The following MYO7B variants were observed in gnomAD, a reference collection of about 807,000 sequenced individuals.
MYO7B encodes the protein unconventional myosin-VIIb.
A neutral mutation model predicts 259.7 loss-of-function variants in MYO7B; 212 were observed. That is an observed-to-expected ratio of 0.82 (90% CI 0.73 to 0.91). The LOEUF (loss-of-function observed/expected upper bound fraction) is 0.91, where lower values mean the gene tolerates loss of function less well. Ranked by LOEUF, MYO7B falls within the 40% of genes least tolerant of loss-of-function variation. The pLI, the probability that MYO7B is intolerant of heterozygous loss-of-function variation, is 0.00. For synonymous variants in MYO7B, 1,197 were observed against 1,166.4 expected (o/e 1.03, Z -0.54); for missense variants, 2,732 against 2,813.5 (o/e 0.97, Z 0.66).
chr2:127,596,736 C>T (rs1679785076), intron 19 of MYO7B, among the ~76,000 whole-genome samples, 180 bp downstream of exon 19: 1 of 152,178 alleles, frequency 6.6e-6, no homozygotes, highest in Admixed American at 6.5e-5. Flanking sequence ...AATTCAGATA[C>T]ATTATTGGAA....
intron 1 of MYO7B, among the ~76,000 whole-genome samples, chr2:127,552,357 C>G (rs2104823789): frequency 6.6e-6 from 1 of 152,220 alleles, no homozygotes; most frequent in Non-Finnish European, 1.5e-5. Context: ...GGCTGGTAGA[C>G]AGAGGAGACA....
chr2:127,578,089 G>A (rs1573645235), intron 8 of MYO7B, 44 bp from the exon 9 acceptor site: 2 of 1,606,356 alleles, frequency 1.2e-6, no homozygotes, highest in Non-Finnish European at 1.7e-6. Context: ...GGGAGGTGGT[G>A]GGGCAGGGGA....
chr2:127,592,876 C>G lies in MYO7B; in HGVS notation c.2075C>G (p.Pro692Arg), dbSNP rs200327378. Residue 692 changes from proline (P) to arginine (R), a missense_variant, in exon 17 of 48, where the codon CCC becomes CGC. Pro to Arg is a moderately radical substitution (Grantham distance 103). Coordinates refer to ENST00000409816, the MANE Select transcript of MYO7B (RefSeq NM_001393586.1). ...ETVHIRKSGFPIRYTFEEFSQ... is the reference protein window; with the variant it reads ...ETVHIRKSGFRIRYTFEEFSQ... ...GTGCACATCCGCAAGTCGGGCTTCCCCATCCGCTACACGTTCGAGGAGTTC... is the reference window on the plus strand; with the variant it reads ...GTGCACATCCGCAAGTCGGGCTTCCGCATCCGCTACACGTTCGAGGAGTTC... 4.0e-5 allele frequency: 64 copies of G among 1,609,870 alleles called. No homozygotes were observed. Among genetic ancestry groups the G allele is most frequent in the Admixed American group, 1.3e-4 (8 of 59,696 alleles).
rs1385793584 is a variant in MYO7B at position 127,627,808 on chromosome 2, G to C, written c.4460+498G>C. The stretch of plus-strand genomic sequence containing the variant: ...CTGGGAACTTTTCCATGCCCTTTGG[G>C]AAGTCCCACCCAAGCCCTGCCAGAG... On this transcript the variant is annotated intron_variant, in intron 33 of 47. Coordinates refer to ENST00000409816, the MANE Select transcript of MYO7B (RefSeq NM_001393586.1). The surrounding 1 kb of genome is among the most constrained non-coding windows in gnomAD (Gnocchi z 5.6). 10 of 457,730 alleles carry C rather than the reference G, an allele frequency of 2.2e-5. No homozygotes were observed. The highest frequency in any genetic ancestry group is 2.0e-4 in the African/African-American group (10 of 50,082). The allele number at this position is 457,730 out of a possible 1,614,324, so 28.4% of individuals were successfully genotyped here. A position where few individuals can be genotyped will look rare whatever the true frequency, so the allele number is the denominator to read the frequency against.
chr2:127,539,697 C>T lies in MYO7B; in HGVS notation c.-24+3866C>T, dbSNP rs7583571. Reference sequence around the variant, plus strand: ...CTATTTCTTTTAAAAAAAAAAACTCCATAGTTTTTAAGGTACAGGTGTTTT... The same window carrying T: ...CTATTTCTTTTAAAAAAAAAAACTCTATAGTTTTTAAGGTACAGGTGTTTT... On this transcript the variant is annotated intron_variant, in intron 1 of 47. Transcript: ENST00000409816. The surrounding 1 kb of genome is among the most constrained non-coding windows in gnomAD (Gnocchi z 4.0). Among the ~76,000 whole-genome samples the T allele has an allele frequency of 4.6e-4, 70 of 151,944 alleles. No homozygotes were observed. The highest frequency in any genetic ancestry group is 3.4e-3 in the Middle Eastern group (1 of 294).
At chr2:127,552,798 G>A (rs150638475) in intron 1 of MYO7B, among the ~76,000 whole-genome samples, 4 of 152,268 alleles carry the variant, frequency 2.6e-5, no homozygotes, top group African/African-American at 9.6e-5. Context: ...TTTCCCACCT[G>A]CCACCCCCTG....
chr2:127,564,992 C>G (rs1382416882), intron 3 of MYO7B, among the ~76,000 whole-genome samples: 1 of 152,214 alleles, frequency 6.6e-6, no homozygotes, highest in Non-Finnish European at 1.5e-5. Flanking sequence ...GCCCCAGCTA[C>G]GCCCTAACCC....
intron 1 of MYO7B, among the ~76,000 whole-genome samples, chr2:127,550,515 G>A (rs1053285510): frequency 3.3e-5 from 5 of 151,296 alleles, no homozygotes; most frequent in African/African-American, 7.3e-5. Flanking sequence ...CTGGGATCAC[G>A]CAACTGCACT....
At position 127,575,580 on chromosome 2, in the gene MYO7B, CAAAGA is replaced by C. The variant is rs374426163; in HGVS notation, c.736-1004_736-1000del. Among the ~76,000 whole-genome samples, 160 of 148,698 alleles carry C rather than the reference CAAAGA, an allele frequency of 1.1e-3. 1 individual carries two copies. Among genetic ancestry groups the C allele is most frequent in the African/African-American group, 3.8e-3 (154 of 40,244 alleles). On this transcript the variant is annotated intron_variant, in intron 7 of 47. Transcript: ENST00000409816. ...TATGTTTTGTGTAAAAAAAAAGAAA[CAAAGA>C]AAAGAAAAGAGATAACTATTTATAG...
rs2105053078 is a variant in MYO7B, at chr2:127,615,551, A to G, written c.3398+2948A>G. On this transcript the variant is annotated intron_variant, in intron 26 of 47. Transcript: ENST00000409816. This position sits in a 1 kb window ranked among gnomAD's most constrained non-coding sequence, Gnocchi z 4.4. ...CGATTGGTCAGCTGCTTAATTGATC[A>G]CAGGTTCATAGTATTACTAACAGGC... 6.6e-6 allele frequency among the ~76,000 whole-genome samples: 1 copy of G among 152,196 alleles called. No individual in the cohort carries two copies. The highest frequency in any genetic ancestry group is 2.4e-5 in the African/African-American group (1 of 41,516).
chr2:127,605,638 C>T (rs1375099213), intron 19 of MYO7B, among the ~76,000 whole-genome samples: 1 of 152,190 alleles, frequency 6.6e-6, no homozygotes, highest in Non-Finnish European at 1.5e-5. Context: ...TCATCATCCA[C>T]AAATTTGGGT....
intron 12 of MYO7B, 116 bp downstream of exon 12, chr2:127,582,562 C>G: frequency 8.1e-7 from 1 of 1,237,712 alleles, no homozygotes; most frequent in South Asian, 1.5e-5. Context: ...CCTGGCGAGT[C>G]CCACCAGATC....
intron 19 of MYO7B, among the ~76,000 whole-genome samples, chr2:127,600,289 C>G (rs77479880): frequency 0.037 from 5,624 of 152,280 alleles, 222 homozygotes; most frequent in South Asian, 0.15. Flanking sequence ...TCAATTTGTT[C>G]ATAATATTCC....
Position 127,584,659 on chromosome 2 carries a change from A to C in MYO7B, c.1555-119A>C. 2 of 1,238,408 alleles carry C rather than the reference A, an allele frequency of 1.6e-6. No homozygotes were observed. 76.7% of individuals were successfully genotyped at this position (1,238,408 alleles called of 1,614,324 possible). ...CTGGGCATTAGTTTCCTGTCTGTAC[A>C]AAGGCCCTCAATCATTCTGAGCCCA... On this transcript the variant is annotated intron_variant, in intron 13 of 47. Transcript: ENST00000409816. This position sits in a 1 kb window ranked among gnomAD's most constrained non-coding sequence, Gnocchi z 5.8.
chr2:127,552,857 G>A (rs1325110483), intron 1 of MYO7B, among the ~76,000 whole-genome samples: 1 of 152,202 alleles, frequency 6.6e-6, no homozygotes, highest in Non-Finnish European at 1.5e-5. Flanking sequence ...GGTATTCTCT[G>A]CATTTTTATA....
chr2:127,612,580 C>T lies in MYO7B; in HGVS notation c.3375C>T (p.Tyr1125=), dbSNP rs778386202. Reference sequence around the variant, plus strand: ...AGAAGGTGCACTTCATCGTGGGCTACGCCATCCTGCGGCCCAGCCTCAGGT... The same window carrying T: ...AGAAGGTGCACTTCATCGTGGGCTATGCCATCCTGCGGCCCAGCCTCAGGT... The part of the protein sequence containing the change: ...NLEKVHFIVG[Y]AILRPSLRDE... Residue 1125 remains tyrosine (Y), a synonymous_variant, in exon 26 of 48, where the codon TAC becomes TAT. Transcript: ENST00000409816. 1.7e-5 allele frequency: 27 copies of T among 1,608,696 alleles called. No homozygotes were observed. The highest frequency in any genetic ancestry group is 1.1e-4 in the East Asian group (5 of 44,628).
At chr2:127,604,165 A>G (rs926114965) in intron 19 of MYO7B, among the ~76,000 whole-genome samples, 1 of 152,232 alleles carries the variant, frequency 6.6e-6, no homozygotes, top group Non-Finnish European at 1.5e-5. Flanking sequence ...TGTTGAGTGT[A>G]GCCACATTTA....
At position 127,613,258 on chromosome 2, in the gene MYO7B, A is replaced by G. The variant is rs1382592771; in HGVS notation, c.3398+655A>G. On this transcript the variant is annotated intron_variant, in intron 26 of 47. Coordinates refer to ENST00000409816, the MANE Select transcript of MYO7B (RefSeq NM_001393586.1). The surrounding 1 kb of genome is among the most constrained non-coding windows in gnomAD (Gnocchi z 4.3). ...TCTTCAGGTACCTAGGGGTCTGCTT[A>G]TCTTTTCTTTCTTTTTTCTCTGTGT... Among the ~76,000 whole-genome samples, 1 of 152,070 alleles carries G rather than the reference A, an allele frequency of 6.6e-6. No individual in the cohort carries two copies.
chr2:127,632,579 C>A (rs558826942), intron 39 of MYO7B, among the ~76,000 whole-genome samples, 178 bp downstream of exon 39: 21 of 152,284 alleles, frequency 1.4e-4, no homozygotes, highest in Admixed American at 3.3e-4. Context: ...GAGGGTGAGG[C>A]CCAGGAGGGT....
Sources: allele counts gnomAD v4.1 joint callset (sites outside exome capture counted in the v4.1 genomes callset), GRCh38; gene constraint gnomAD v4.1.1; non-coding constraint Gnocchi (gnomAD v3.1); transcripts MANE v1.5; gene names NCBI Gene and HGNC (gene_info 2026-07-23, HGNC 2026-07-21).